WWOX: variants seen among roughly 807,000 people sequenced by gnomAD.
WWOX encodes the protein WW domain containing oxidoreductase, also known as WW domain-containing oxidoreductase.
In WWOX, 69 loss-of-function variants were observed where a neutral mutation model predicts 46.2. That is an observed-to-expected ratio of 1.49 (90% CI 1.23 to 1.82). The LOEUF (loss-of-function observed/expected upper bound fraction) is 1.82, where lower values mean the gene tolerates loss of function less well. Ranked by LOEUF, WWOX falls within the 40% of genes most tolerant of loss-of-function variation. The probability of loss-of-function intolerance (pLI) is 0.00; values close to 1 mark genes in which losing one functional copy is unlikely to be tolerated. For synonymous variants in WWOX, 359 were observed against 202.6 expected, an observed-to-expected ratio of 1.77 and a Z score of -6.56; for missense variants, 919 against 542.6, an observed-to-expected ratio of 1.69 and a Z score of -6.89.
chr16:78,322,036 C>T (rs551824872), intron 5 of WWOX, among the ~76,000 whole-genome samples: 1 of 152,182 alleles, frequency 6.6e-6, no homozygotes, highest in South Asian at 2.1e-4. Context: ...GTGGACAGAC[C>T]CAAATGTTTT....
At position 78,613,791 on chromosome 16, in the gene WWOX, C is replaced by T. The variant is rs148699928; in HGVS notation, c.1056+181039C>T. 1.1e-3 allele frequency among the ~76,000 whole-genome samples: 163 copies of T among 152,210 alleles called. 1 individual carries two copies. Among genetic ancestry groups the T allele is most frequent in the African/African-American group, 3.6e-3 (150 of 41,530 alleles). ...AACCCCTTATCAGAAACTTTGGGGG[C>T]CGGATGTGTTTCAGAATTCAGAAGT... On this transcript the variant is annotated intron_variant, in intron 8 of 8. Transcript: ENST00000566780.
chr16:78,602,343 C>T (rs1046144045), intron 8 of WWOX, among the ~76,000 whole-genome samples: 1 of 152,156 alleles, frequency 6.6e-6, no homozygotes, highest in Non-Finnish European at 1.5e-5. Flanking sequence ...AGCGATTCTC[C>T]TGCCTCAGCC....
chr16:78,812,701 G>T (rs931734830), intron 8 of WWOX, among the ~76,000 whole-genome samples: 46 of 151,916 alleles, frequency 3.0e-4, no homozygotes, highest in African/African-American at 1.1e-3. Flanking sequence ...ACTGCAGCCT[G>T]GGTGACAGAA....
intron 8 of WWOX, among the ~76,000 whole-genome samples, chr16:78,536,542 G>A (rs1255545842): frequency 3.3e-5 from 5 of 152,070 alleles, no homozygotes; most frequent in South Asian, 4.1e-4. Flanking sequence ...GTGCAACTTC[G>A]CACCACCCTT....
chr16:79,069,192 C>T (rs1049567792), intron 8 of WWOX, among the ~76,000 whole-genome samples: 4 of 152,144 alleles, frequency 2.6e-5, no homozygotes, highest in Admixed American at 6.5e-5. Context: ...TCCTCTTGAC[C>T]TGGAATGGTG....
chr16:78,586,311 T>G (rs2151595617), intron 8 of WWOX, among the ~76,000 whole-genome samples: 1 of 152,098 alleles, frequency 6.6e-6, no homozygotes, highest in South Asian at 2.1e-4. Flanking sequence ...AAGAAAGAGG[T>G]TTGGTGCCAG....
In WWOX at chr16:78,422,844, T is replaced by TATAC. The variant is rs1275255392; in HGVS notation, c.606-2025_606-2024insTACA. 4.8e-5 allele frequency among the ~76,000 whole-genome samples: 5 copies of TATAC among 105,112 alleles called. No homozygotes were observed. The South Asian group carries it at 1.6e-3, about 34-fold the overall frequency. The allele number at this position is 105,112 out of a possible 152,430, so 69.0% of individuals were successfully genotyped here. A position where few individuals can be genotyped will look rare whatever the true frequency, so the allele number is the denominator to read the frequency against. ...ACACACACATATATATATATACATA[T>TATAC]ACACACACACACACACACACACACA... On this transcript the variant is annotated intron_variant, in intron 6 of 8. Transcript: ENST00000566780.
intron 8 of WWOX, 73 bp downstream of exon 8, chr16:78,432,825 T>G: frequency 6.2e-7 from 1 of 1,609,658 alleles, no homozygotes; most frequent in Non-Finnish European, 8.5e-7. Flanking sequence ...TCTCCACCTT[T>G]TTACCTCTTG....
At chr16:78,459,061 G>A (rs983700268) in intron 8 of WWOX, among the ~76,000 whole-genome samples, 2 of 152,156 alleles carry the variant, frequency 1.3e-5, no homozygotes, top group Non-Finnish European at 2.9e-5. Flanking sequence ...GTACCTAAAT[G>A]GAAGCCAGCA....
chr16:79,147,939 G>A (rs1262427348), intron 8 of WWOX, among the ~76,000 whole-genome samples: 2 of 151,810 alleles, frequency 1.3e-5, no homozygotes, highest in African/African-American at 4.8e-5. Context: ...TATTATTGTT[G>A]CATTTTGAAA....
chr16:79,150,284 G>A (rs904520028), intron 8 of WWOX, among the ~76,000 whole-genome samples: 2 of 152,160 alleles, frequency 1.3e-5, no homozygotes, highest in Non-Finnish European at 2.9e-5. Flanking sequence ...TTCCAGTTGA[G>A]GATAATTCAC....
At chr16:78,978,333 T>G (rs887993061) in intron 8 of WWOX, among the ~76,000 whole-genome samples, 1 of 152,214 alleles carries the variant, frequency 6.6e-6, no homozygotes, top group African/African-American at 2.4e-5. Context: ...TTCCTGTTTT[T>G]AATTATGTTG....
intron 8 of WWOX, among the ~76,000 whole-genome samples, chr16:78,871,681 C>T (rs1350490139): frequency 1.3e-5 from 2 of 152,176 alleles, no homozygotes; most frequent in African/African-American, 2.4e-5. Context: ...CTCACTGCAA[C>T]CTCTGCCTTC....
intron 8 of WWOX, among the ~76,000 whole-genome samples, chr16:78,473,408 A>G (rs138557325): frequency 0.036 from 5,532 of 152,174 alleles, 213 homozygotes; most frequent in African/African-American, 0.093. Flanking sequence ...AGGATTACAG[A>G]CATGAGCCGA....
chr16:78,241,286 G>GTT lies in WWOX; in HGVS notation c.516+77005_516+77006dup, dbSNP rs74416578. ...GTCAGCATCTATTATTATCATTTGT[G>GTT]TTTTTTTTTCCCCTTCTCTGCCTTC... On this transcript the variant is annotated intron_variant, in intron 5 of 8. Transcript: ENST00000566780. 39 of 151,106 alleles carry GTT rather than the reference G, an allele frequency of 2.6e-4. 1 individual carries two copies. The highest frequency in any genetic ancestry group is 4.9e-4 in the African/African-American group (20 of 41,130). The allele number at this position is 151,106 out of a possible 1,614,324, so 9.4% of individuals were successfully genotyped here.
At chr16:78,555,015 T>G (rs1279508353) in intron 8 of WWOX, among the ~76,000 whole-genome samples, 9 of 152,144 alleles carry the variant, frequency 5.9e-5, no homozygotes, top group Non-Finnish European at 1.2e-4. Context: ...GGCAGACAAC[T>G]TCTGGCTCCC....
intron 8 of WWOX, among the ~76,000 whole-genome samples, chr16:78,753,215 G>T (rs2049530696): frequency 6.6e-6 from 1 of 152,138 alleles, no homozygotes; most frequent in Admixed American, 6.5e-5. Context: ...CAGGATAATG[G>T]TGTGAATCCG....
chr16:78,686,639 T>C (rs1050889630), intron 8 of WWOX, among the ~76,000 whole-genome samples: 4 of 152,174 alleles, frequency 2.6e-5, no homozygotes, highest in South Asian at 4.1e-4. Context: ...TTTTAATTTG[T>C]TTTTTCGGAA....
chr16:78,183,129 C>T (rs967445489), intron 5 of WWOX, among the ~76,000 whole-genome samples: 7 of 152,018 alleles, frequency 4.6e-5, no homozygotes, highest in Non-Finnish European at 5.9e-5. Flanking sequence ...TTATTCTATA[C>T]CAGCCGTCCC....
Sources: allele counts gnomAD v4.1 joint callset (sites outside exome capture counted in the v4.1 genomes callset), GRCh38; gene constraint gnomAD v4.1.1; transcripts MANE v1.5; gene names NCBI Gene and HGNC (gene_info 2026-07-23, HGNC 2026-07-21).